RBMS3: variants seen among roughly 807,000 people sequenced by gnomAD.
RBMS3 encodes the protein RNA binding motif single stranded interacting protein 3, also known as RNA-binding motif, single-stranded-interacting protein 3.
In RBMS3, 27 loss-of-function variants were observed where a neutral mutation model predicts 66.8. The ratio of observed to expected loss-of-function variants is 0.40; its 90% CI spans 0.30 to 0.56. RBMS3 has a LOEUF of 0.56. Among genes scored for constraint, RBMS3 ranks in the 20% least tolerant of loss-of-function variants. The probability of loss-of-function intolerance (pLI) is 0.40; values close to 1 mark genes in which losing one functional copy is unlikely to be tolerated. For synonymous variants in RBMS3, 188 were observed against 183.0 expected (o/e 1.03, Z -0.22); for missense variants, 513 against 549.5 (o/e 0.93, Z 0.66).
chr3:29,635,817 C>G (rs1461060492), intron 4 of RBMS3, among the ~76,000 whole-genome samples: 1 of 151,844 alleles, frequency 6.6e-6, no homozygotes, highest in African/African-American at 2.4e-5. Context: ...ATTAACTGTA[C>G]TTCTCAGCTC....
At chr3:29,642,522 T>C (rs2049755857) in intron 4 of RBMS3, 2 of 152,228 alleles carry the variant, frequency 1.3e-5, no homozygotes, top group South Asian at 4.1e-4. Context: ...CATCTTTCTA[T>C]CCCCTTTCCC....
chr3:29,311,408 A>G (rs142880362), intron 1 of RBMS3, among the ~76,000 whole-genome samples: 2 of 151,840 alleles, frequency 1.3e-5, no homozygotes, highest in East Asian at 2.0e-4. Flanking sequence ...AGAACAGAAA[A>G]TTGGTCTGAG....
intron 4 of RBMS3, among the ~76,000 whole-genome samples, chr3:29,731,475 C>CCTT (rs2054132769): frequency 6.6e-6 from 1 of 152,106 alleles, no homozygotes; most frequent in Non-Finnish European, 1.5e-5. Context: ...AATATAGAGG[C>CCTT]ACCTTCACTG....
chr3:29,281,618 C>A lies in RBMS3; in HGVS notation c.-64C>A. 1 of 1,376,858 alleles carries A rather than the reference C, an allele frequency of 7.3e-7. No homozygotes were observed. Among genetic ancestry groups the A allele is most frequent in the Non-Finnish European group, 1.0e-6 (1 of 966,114 alleles). The allele number at this position is 1,376,858 out of a possible 1,614,324, so 85.3% of individuals were successfully genotyped here. On this transcript the variant is annotated 5_prime_UTR_variant, in exon 1 of 15. Coordinates refer to ENST00000383767, the MANE Select transcript of RBMS3 (RefSeq NM_001003793.3). ...TCAGGAATAGTGGTTTAAGAGGAAGCTCGGCCTGGGGCACTATACCCTGTC... is the reference window on the plus strand; with the variant it reads ...TCAGGAATAGTGGTTTAAGAGGAAGATCGGCCTGGGGCACTATACCCTGTC...
At chr3:29,490,244 G>A (rs1240202032) in intron 3 of RBMS3, among the ~76,000 whole-genome samples, 1 of 150,464 alleles carries the variant, frequency 6.6e-6, no homozygotes, top group African/African-American at 2.5e-5. Flanking sequence ...TTTCAGCAAA[G>A]GTGTGTGAAA....
chr3:29,539,444 T>G (rs982310514), intron 3 of RBMS3, among the ~76,000 whole-genome samples: 2 of 152,162 alleles, frequency 1.3e-5, no homozygotes, highest in African/African-American at 4.8e-5. Flanking sequence ...GTGCATTTGG[T>G]TATTTGGAGG....
intron 1 of RBMS3, among the ~76,000 whole-genome samples, chr3:29,428,235 A>G (rs2041038521): frequency 6.6e-6 from 1 of 152,052 alleles, no homozygotes; most frequent in African/African-American, 2.4e-5. Context: ...ACAGGGGGAC[A>G]TTTGGCAGTA....
chr3:29,912,280 A>G (rs2060535854), intron 10 of RBMS3, among the ~76,000 whole-genome samples: 1 of 152,082 alleles, frequency 6.6e-6, no homozygotes, highest in Admixed American at 6.6e-5. Flanking sequence ...CTATTTCTGC[A>G]TTGGCAAATA....
At chr3:29,676,033 C>A (rs546790015) in intron 4 of RBMS3, among the ~76,000 whole-genome samples, 1 of 152,316 alleles carries the variant, frequency 6.6e-6, no homozygotes, top group East Asian at 1.9e-4. Context: ...CCAAGATGTC[C>A]ATCACTGATA....
intron 3 of RBMS3, among the ~76,000 whole-genome samples, chr3:29,583,984 C>G (rs2047422073): frequency 6.6e-6 from 1 of 152,198 alleles, no homozygotes; most frequent in East Asian, 1.9e-4. Context: ...AGATCCCCTG[C>G]TAGCTAAATC....
chr3:29,376,224 G>A (rs1017276996), intron 1 of RBMS3, among the ~76,000 whole-genome samples: 4 of 151,796 alleles, frequency 2.6e-5, no homozygotes, highest in African/African-American at 9.7e-5. Context: ...AGAGCATCAG[G>A]AAGAATAGCT....
chr3:29,883,703 G>GC, intron 7 of RBMS3, among the ~76,000 whole-genome samples: 1 of 151,926 alleles, frequency 6.6e-6, no homozygotes, highest in South Asian at 2.1e-4. Flanking sequence ...AACCCCTTAG[G>GC]CATATGGTCT....
chr3:29,599,433 A>G (rs2048071520), intron 4 of RBMS3, among the ~76,000 whole-genome samples: 2 of 151,530 alleles, frequency 1.3e-5, no homozygotes, highest in South Asian at 4.2e-4. Context: ...AAGAAAATAG[A>G]AAAAAAAGTG....
At chr3:29,999,004 T>G (rs903856965) in intron 14 of RBMS3, among the ~76,000 whole-genome samples, 11 of 151,624 alleles carry the variant, frequency 7.3e-5, no homozygotes, top group African/African-American at 1.2e-4. Flanking sequence ...TGGGAGAAAA[T>G]TTTCGCAACC....
chr3:29,306,242 A>G (rs1345573046), intron 1 of RBMS3, among the ~76,000 whole-genome samples: 2 of 151,916 alleles, frequency 1.3e-5, no homozygotes, highest in African/African-American at 4.8e-5. Flanking sequence ...TCAAAGGGTA[A>G]GGCACCTGGA....
At chr3:29,426,876 G>A (rs1465811294) in intron 1 of RBMS3, among the ~76,000 whole-genome samples, 1 of 152,220 alleles carries the variant, frequency 6.6e-6, no homozygotes, top group Admixed American at 6.5e-5. Flanking sequence ...CTCTGTGCCA[G>A]GCCCTGTGCT....
intron 2 of RBMS3, among the ~76,000 whole-genome samples, chr3:29,483,510 A>G (rs955019915): frequency 6.6e-6 from 1 of 152,042 alleles, no homozygotes; most frequent in Non-Finnish European, 1.5e-5. Context: ...TTATCTACTG[A>G]GTCAGATTTC....
intron 4 of RBMS3, among the ~76,000 whole-genome samples, chr3:29,659,821 G>A (rs946323224): frequency 3.3e-5 from 5 of 151,998 alleles, no homozygotes; most frequent in Non-Finnish European, 4.4e-5. Flanking sequence ...GTTTTTTACA[G>A]CAGCTGTAAC....
At position 29,988,154 on chromosome 3, in the gene RBMS3, T is replaced by C; in HGVS notation, c.1110T>C (p.Ala370=). Residue 370 remains alanine (A), a synonymous_variant, in exon 13 of 15, where the codon GCT becomes GCC. Transcript: ENST00000383767. ...TTGATTCTCTCTAGTATATGACTGC[T>C]GCTGCTCCTATGCAAGGGACCTACA... The part of the protein sequence containing the change: ...LHQLLCQYMT[A]AAPMQGTYIP... 6.2e-7 allele frequency: 1 copy of C among 1,612,600 alleles called. No individual in the cohort carries two copies. The highest frequency in any genetic ancestry group is 1.1e-5 in the South Asian group (1 of 91,056).
Sources: allele counts gnomAD v4.1 joint callset (sites outside exome capture counted in the v4.1 genomes callset), GRCh38; gene constraint gnomAD v4.1.1; transcripts MANE v1.5; gene names NCBI Gene and HGNC (gene_info 2026-07-23, HGNC 2026-07-21).